Variants in HIBCH observed in about 807,000 individuals in gnomAD.
The protein encoded by HIBCH is 3-hydroxyisobutyryl-CoA hydrolase.
Under a neutral mutation model 58.2 loss-of-function variants are expected in HIBCH, and 50 were observed. That is an observed-to-expected ratio of 0.86 (90% CI 0.68 to 1.09). The LOEUF (loss-of-function observed/expected upper bound fraction) is 1.09, where lower values mean the gene tolerates loss of function less well. HIBCH is among the 50% of genes least tolerant of loss of function. The pLI, the probability that HIBCH is intolerant of heterozygous loss-of-function variation, is 0.00. For missense variants in HIBCH, 450 were observed against 449.7 expected (o/e 1.00, Z -0.01); for synonymous variants, 151 against 146.9 (o/e 1.03, Z -0.20).
chr2:190,262,188 G>T (rs73981029), intron 6 of HIBCH, among the ~76,000 whole-genome samples: 1,804 of 143,908 alleles, frequency 0.013, 42 homozygotes, highest in African/African-American at 0.043. Flanking sequence ...GAAAAGAAAA[G>T]AAAAGAAAAA....
chr2:190,252,917 G>A (rs558592311), intron 7 of HIBCH, among the ~76,000 whole-genome samples: 18 of 152,132 alleles, frequency 1.2e-4, no homozygotes, highest in Admixed American at 3.9e-4. Context: ...GGCTAGGCGC[G>A]GTGGCTCACA....
intron 1 of HIBCH, among the ~76,000 whole-genome samples, chr2:190,192,685 T>A (rs1163779397): frequency 1.3e-5 from 2 of 152,140 alleles, no homozygotes; most frequent in Non-Finnish European, 2.9e-5. Context: ...TTACTTTTTC[T>A]CAGTAACATT....
chr2:190,195,931 CTG>C (rs1351873486), intron 1 of HIBCH, among the ~76,000 whole-genome samples: 1 of 127,490 alleles, frequency 7.8e-6, no homozygotes, highest in Non-Finnish European at 1.6e-5. Flanking sequence ...GGTTTAAGAA[CTG>C]TGTCCAGCTT....
At chr2:190,311,779 A>T (rs951796576) in intron 1 of HIBCH, among the ~76,000 whole-genome samples, 3 of 152,222 alleles carry the variant, frequency 2.0e-5, no homozygotes, top group African/African-American at 7.2e-5. Context: ...TAAAAATACT[A>T]ACATGGAAAA....
chr2:190,299,506 C>T (rs79908644), intron 2 of HIBCH, among the ~76,000 whole-genome samples: 26 of 73,798 alleles, frequency 3.5e-4, no homozygotes, highest in Non-Finnish European at 4.5e-4. Context: ...AAGTCTGATA[C>T]ACACACACAC....
At chr2:190,234,725 C>G (rs1686214248) in intron 11 of HIBCH, among the ~76,000 whole-genome samples, 1 of 151,894 alleles carries the variant, frequency 6.6e-6, no homozygotes, top group Admixed American at 6.5e-5. Flanking sequence ...TGGCGGGCAC[C>G]TGTAATCCCA....
intron 11 of HIBCH, among the ~76,000 whole-genome samples, chr2:190,226,766 G>A (rs947603249): frequency 1.3e-5 from 2 of 152,078 alleles, no homozygotes; most frequent in African/African-American, 4.8e-5. Context: ...AATATCACAC[G>A]CATTCCTATA....
chr2:190,202,413 T>C (rs1157147834), downstream of HIBCH: 1 of 166,614 alleles, frequency 6.0e-6, no homozygotes, highest in East Asian at 1.9e-4. Context: ...CAGGAGCAAA[T>C]GGGAGAAAGA....
chr2:190,233,091 C>A (rs10192319), intron 11 of HIBCH, among the ~76,000 whole-genome samples: 2 of 152,020 alleles, frequency 1.3e-5, no homozygotes, highest in African/African-American at 4.8e-5. Context: ...TGAACCATTG[C>A]CTTTTAGCTT....
At chr2:190,246,132 A>C (rs372652949) in intron 10 of HIBCH, 22 bp downstream of exon 10, 4 of 1,368,012 alleles carry the variant, frequency 2.9e-6, no homozygotes, top group Non-Finnish European at 4.2e-6. Flanking sequence ...GGAATATATA[A>C]CTGAGATCTC....
chr2:190,244,910 A>G lies in HIBCH; in HGVS notation c.868T>C (p.Ser290Pro), dbSNP rs767392058. ...IIENLQQDGS[S>P]FALEQLKVIN... is the part of the protein sequence containing the mutation. ...ACCTTCAATTGCTCTAGGGCAAAAG[A>G]TGAACCATCTTGCTGTAAGTTTTCA... The change falls in exon 11 of 14, where the codon TCT (serine) becomes CCT (proline). Residue 290 changes from serine (S) to proline (P), a missense_variant. Transcript: ENST00000359678. 1.2e-6 allele frequency: 2 copies of G among 1,611,404 alleles called. No homozygotes were observed.
chr2:190,294,245 A>G (rs1298022920), intron 4 of HIBCH, among the ~76,000 whole-genome samples: 1 of 151,828 alleles, frequency 6.6e-6, no homozygotes, highest in Non-Finnish European at 1.5e-5. Flanking sequence ...TCTAAAATAT[A>G]AAGTGGACCC....
chr2:190,265,033 G>C (rs989500844), intron 6 of HIBCH, among the ~76,000 whole-genome samples: 11 of 144,084 alleles, frequency 7.6e-5, no homozygotes, highest in Admixed American at 6.6e-4. Context: ...TGAGGCAGGA[G>C]AATTGCTTGA....
chr2:190,303,252 C>G (rs1391922355), intron 2 of HIBCH, among the ~76,000 whole-genome samples: 1 of 152,088 alleles, frequency 6.6e-6, no homozygotes, highest in Non-Finnish European at 1.5e-5. Flanking sequence ...CTAGCTCTAT[C>G]CTCTGAGAGA....
intron 2 of HIBCH, among the ~76,000 whole-genome samples, chr2:190,299,527 G>C (rs141846230): frequency 1.3e-5 from 2 of 151,578 alleles, no homozygotes; most frequent in Non-Finnish European, 2.9e-5. Context: ...ACACATATCT[G>C]ATATATTCTT....
At chr2:190,318,017 G>A (rs1688749914) in intron 1 of HIBCH, among the ~76,000 whole-genome samples, 1 of 151,668 alleles carries the variant, frequency 6.6e-6, no homozygotes, top group Non-Finnish European at 1.5e-5. Context: ...GTAGAGACGG[G>A]GTTTCACTAT....
At position 190,261,122 on chromosome 2, in the gene HIBCH, A is replaced by C. The variant is rs1553501829; in HGVS notation, c.517+34T>G. The C allele has an allele frequency of 2.3e-5, 34 of 1,474,158 alleles. No individual in the cohort carries two copies. The South Asian group carries it at 3.9e-4, about 17-fold the overall frequency. The allele number at this position is 1,474,158 out of a possible 1,614,324, so 91.3% of individuals were successfully genotyped here. A position where few individuals can be genotyped will look rare whatever the true frequency, so the allele number is the denominator to read the frequency against. ...AAACATATCAAAAGAAGATGATGCT[A>C]AAAGTAATTATAAAAAAAATTCTGG... On this transcript the variant is annotated intron_variant, in intron 7 of 13. Transcript: ENST00000359678.
rs1690031356 is a variant in HIBCH at position 190,197,420 on chromosome 2, T to C, written c.*18-7423A>G. On this transcript the variant is annotated intron_variant, in intron 1 of 1. Transcript: ENST00000399855. The surrounding 1 kb of genome is among the most constrained non-coding windows in gnomAD (Gnocchi z 4.0). ...AGTCCTAGAGGAAGTAATCGTTTGCTAACACTTTGCAGATCCTTATCCTGG... is the reference window on the plus strand; with the variant it reads ...AGTCCTAGAGGAAGTAATCGTTTGCCAACACTTTGCAGATCCTTATCCTGG... Among the ~76,000 whole-genome samples, 4 of 152,226 alleles carry C rather than the reference T, an allele frequency of 2.6e-5. No homozygotes were observed.
chr2:190,209,206 C>T lies in HIBCH; in HGVS notation c.1012-293G>A, dbSNP rs532788078. On this transcript the variant is annotated intron_variant, in intron 12 of 13. Transcript: ENST00000359678. This position sits in a 1 kb window ranked among gnomAD's most constrained non-coding sequence, Gnocchi z 5.6. ...TTGCTCTTCATCCAGCCCAATTTCA[C>T]CAGTCCTTTAATATGGTCACTTTCC... 2.6e-5 allele frequency among the ~76,000 whole-genome samples: 4 copies of T among 152,328 alleles called. No individual in the cohort carries two copies. The South Asian group carries it at 6.2e-4, about 24-fold the overall frequency.
Sources: gnomAD v4.1 joint callset for allele counts (sites outside exome capture counted in the v4.1 genomes callset) on GRCh38, gnomAD v4.1.1 for gene constraint, Gnocchi (gnomAD v3.1) non-coding constraint, MANE v1.5 for transcripts, NCBI Gene and HGNC (gene_info 2026-07-23, HGNC 2026-07-21) for gene names.